Variants in SPRR2G observed in about 807,000 individuals in gnomAD.
The protein encoded by SPRR2G is small proline rich protein 2G.
Under a neutral mutation model 0.7 loss-of-function variants are expected in SPRR2G, and 1 was observed. That is an observed-to-expected ratio of 1.49 (90% CI 0.53 to 7.06). The LOEUF (loss-of-function observed/expected upper bound fraction) is 7.06. Among genes scored for constraint, SPRR2G ranks in the 30% most tolerant of loss-of-function variants. SPRR2G has a pLI of 0.14. For synonymous variants in SPRR2G, 38 were observed against 33.9 expected, an observed-to-expected ratio of 1.12 and a Z score of -0.42; for missense variants, 96 against 88.5, an observed-to-expected ratio of 1.09 and a Z score of -0.34.
the SPRR2G span, among the ~76,000 whole-genome samples, chr1:153,162,486 G>C: frequency 6.6e-6 from 1 of 152,160 alleles, no homozygotes; most frequent in South Asian, 2.1e-4. Flanking sequence ...CATCCTGGAG[G>C]CTCCATTACT....
chr1:153,155,332 A>G (rs192650091), upstream of SPRR2G, among the ~76,000 whole-genome samples: 4 of 152,222 alleles, frequency 2.6e-5, no homozygotes, highest in East Asian at 5.8e-4. Context: ...CTGTACACCA[A>G]TAATCACCCA....
At chr1:153,188,223 C>T in the SPRR2G span, among the ~76,000 whole-genome samples, 2 of 152,176 alleles carry the variant, frequency 1.3e-5, no homozygotes, top group East Asian at 1.9e-4. Context: ...CTTAGTAGAG[C>T]TTGAGCACTG....
chr1:153,186,652 A>G, the SPRR2G span, among the ~76,000 whole-genome samples: 2 of 151,624 alleles, frequency 1.3e-5, no homozygotes, highest in South Asian at 2.1e-4. Flanking sequence ...CTCTTTATCC[A>G]CTTTGCCAGT....
chr1:153,183,463 T>C, the SPRR2G span, among the ~76,000 whole-genome samples: 1 of 152,252 alleles, frequency 6.6e-6, no homozygotes, highest in East Asian at 1.9e-4. Context: ...ATTTCTCTAA[T>C]GTCCAGTGAT....
At chr1:153,183,625 T>C in the SPRR2G span, among the ~76,000 whole-genome samples, 32 of 152,318 alleles carry the variant, frequency 2.1e-4, no homozygotes, top group Admixed American at 6.5e-5. Flanking sequence ...ATTAGACCTT[T>C]GTCAGATGGA....
chr1:153,160,338 T>C, the SPRR2G span, among the ~76,000 whole-genome samples: 1 of 152,250 alleles, frequency 6.6e-6, no homozygotes, highest in Admixed American at 6.5e-5. Context: ...TTTCCATATC[T>C]TGGGTATTGT....
the SPRR2G span, among the ~76,000 whole-genome samples, chr1:153,197,352 C>T: frequency 5.3e-5 from 8 of 152,084 alleles, no homozygotes; most frequent in East Asian, 3.9e-4. Context: ...CACAGCCCAG[C>T]GGTACCTGCC....
chr1:153,190,319 T>A, the SPRR2G span: 1 of 152,376 alleles, frequency 6.6e-6, no homozygotes, highest in Non-Finnish European at 1.5e-5. Flanking sequence ...GGATACTGCA[T>A]CCCCCGCCCA....
the SPRR2G span, among the ~76,000 whole-genome samples, chr1:153,158,886 ATGGCCAGGGCTGTACTTTGGCCTGTTT>A: frequency 6.6e-6 from 1 of 152,204 alleles, no homozygotes; most frequent in African/African-American, 2.4e-5. Flanking sequence ...GCAGGAAGCC[ATGGCCAGGGCTGTACTTTGGCCTGTTT>A]TGGCCATGGC....
chr1:153,182,269 T>A, the SPRR2G span, among the ~76,000 whole-genome samples: 2 of 152,112 alleles, frequency 1.3e-5, no homozygotes, highest in African/African-American at 4.8e-5. Flanking sequence ...GATTGTTTGG[T>A]TTTTTGCTGT....
chr1:153,175,940 C>G, the SPRR2G span, among the ~76,000 whole-genome samples: 1 of 152,034 alleles, frequency 6.6e-6, no homozygotes, highest in Non-Finnish European at 1.5e-5. Flanking sequence ...GCCTATAATC[C>G]CAGCTACCCA....
chr1:153,158,836 A>G, the SPRR2G span, among the ~76,000 whole-genome samples: 1 of 151,962 alleles, frequency 6.6e-6, no homozygotes, highest in Non-Finnish European at 1.5e-5. Flanking sequence ...CAGACCCAAC[A>G]CCATATGGAA....
At chr1:153,193,815 C>T in the SPRR2G span, among the ~76,000 whole-genome samples, 1 of 152,122 alleles carries the variant, frequency 6.6e-6, no homozygotes, top group Admixed American at 6.5e-5. Context: ...TTCTCTCACT[C>T]CCACATCTCC....
the SPRR2G span, among the ~76,000 whole-genome samples, chr1:153,182,660 C>T: frequency 2.0e-5 from 3 of 152,094 alleles, no homozygotes; most frequent in Non-Finnish European, 4.4e-5. Context: ...TCAGTTCCTG[C>T]GTTAGTTTGC....
chr1:153,174,689 A>G, the SPRR2G span: 1 of 152,230 alleles, frequency 6.6e-6, no homozygotes, highest in Non-Finnish European at 1.5e-5. Context: ...GAAGGAATAC[A>G]AGTCTGTAAA....
the SPRR2G span, among the ~76,000 whole-genome samples, chr1:153,177,826 T>A: frequency 6.6e-6 from 1 of 152,210 alleles, no homozygotes; most frequent in East Asian, 1.9e-4. Flanking sequence ...CTAGATTCTT[T>A]GAATTTCCAT....
the SPRR2G span, among the ~76,000 whole-genome samples, chr1:153,193,226 G>A: frequency 6.6e-6 from 1 of 152,112 alleles, no homozygotes; most frequent in Admixed American, 6.5e-5. Flanking sequence ...ATTCCTGGAG[G>A]TGACAGCTCC....
At chr1:153,185,906 A>G in the SPRR2G span, among the ~76,000 whole-genome samples, 1 of 152,184 alleles carries the variant, frequency 6.6e-6, no homozygotes, top group African/African-American at 2.4e-5. Flanking sequence ...AGATTCTGGT[A>G]CATTGTGCCT....
upstream of SPRR2G, among the ~76,000 whole-genome samples, chr1:153,155,507 A>C (rs1656564778): frequency 6.6e-6 from 1 of 152,182 alleles, no homozygotes; most frequent in Non-Finnish European, 1.5e-5. Flanking sequence ...CTCGATTATT[A>C]CCATAGCTTC....
Sources: allele counts gnomAD v4.1 joint callset (sites outside exome capture counted in the v4.1 genomes callset), GRCh38; gene constraint gnomAD v4.1.1; transcripts MANE v1.5; gene names NCBI Gene and HGNC (gene_info 2026-07-23, HGNC 2026-07-21).